The following DEPDC1B variants were observed in gnomAD, a reference collection of about 807,000 sequenced individuals.
DEPDC1B encodes the protein DEP domain containing 1B.
DEPDC1B carries 51 observed loss-of-function variants against 66.5 expected under a neutral mutation model. The observed-to-expected ratio is 0.77, with a 90% CI of 0.61 to 0.97. DEPDC1B has a LOEUF of 0.97. Ranked by LOEUF, DEPDC1B falls within the 50% of genes least tolerant of loss-of-function variation. DEPDC1B has a pLI of 0.00. For missense variants in DEPDC1B, 552 were observed against 637.1 expected (o/e 0.87, Z 1.44); for synonymous variants, 226 against 223.6 (o/e 1.01, Z -0.10).
Position 60,616,798 on chromosome 5 carries a change from T to C in DEPDC1B, c.899-10942A>G, listed in dbSNP as rs557478441. ...GGAAATACAGAGAACGCCACAAAGA[T>C]ACTCCTCAAGAAGAGCAACTCCAAG... On this transcript the variant is annotated intron_variant, in intron 7 of 10. Transcript: ENST00000265036. Among the ~76,000 whole-genome samples the C allele has an allele frequency of 7.9e-5, 12 of 152,246 alleles. No individual in the cohort carries two copies. In the East Asian group the frequency reaches 2.3e-3, roughly 29 times the overall value.
intron 10 of DEPDC1B, among the ~76,000 whole-genome samples, chr5:60,598,220 A>T (rs1455717627): frequency 6.6e-6 from 1 of 152,150 alleles, no homozygotes; most frequent in Non-Finnish European, 1.5e-5. Context: ...AGTTAAATAA[A>T]ATTTTGGCCC....
At chr5:60,665,822 C>A (rs1043004339) in intron 2 of DEPDC1B, among the ~76,000 whole-genome samples, 1 of 152,106 alleles carries the variant, frequency 6.6e-6, no homozygotes, top group Non-Finnish European at 1.5e-5. Context: ...CAACTAATCA[C>A]GTAGTAAAGA....
At chr5:60,647,316 G>A in intron 3 of DEPDC1B, 82 bp downstream of exon 3, 1 of 1,480,466 alleles carries the variant, frequency 6.8e-7, no homozygotes, top group African/African-American at 1.4e-5. Context: ...GTTCATAAAG[G>A]ACCACAGAAA....
intron 2 of DEPDC1B, among the ~76,000 whole-genome samples, chr5:60,674,055 G>T (rs1476436747): frequency 1.3e-5 from 2 of 152,076 alleles, no homozygotes; most frequent in East Asian, 3.9e-4. Context: ...GAATAAAGAG[G>T]TTAAGGACAC....
At chr5:60,598,536 T>C (rs893287141) in intron 10 of DEPDC1B, among the ~76,000 whole-genome samples, 2 of 152,154 alleles carry the variant, frequency 1.3e-5, no homozygotes, top group African/African-American at 4.8e-5. Flanking sequence ...CCTTTATGAA[T>C]AGTCAAAAGT....
intron 2 of DEPDC1B, among the ~76,000 whole-genome samples, chr5:60,664,684 T>C (rs1018927927): frequency 6.6e-6 from 1 of 152,200 alleles, no homozygotes; most frequent in East Asian, 1.9e-4. Context: ...AGGCGGAGTA[T>C]GCAGTGGTCA....
intron 7 of DEPDC1B, among the ~76,000 whole-genome samples, chr5:60,622,315 A>G (rs1752723138): frequency 6.6e-6 from 1 of 152,132 alleles, no homozygotes; most frequent in African/African-American, 2.4e-5. Context: ...TTTCATGTAA[A>G]TGGAACCAGA....
intron 2 of DEPDC1B, among the ~76,000 whole-genome samples, chr5:60,672,895 C>T (rs2111990033): frequency 6.6e-6 from 1 of 152,260 alleles, no homozygotes; most frequent in East Asian, 1.9e-4. Context: ...GACTGAGCGA[C>T]CTTAACTGGG....
intron 7 of DEPDC1B, among the ~76,000 whole-genome samples, chr5:60,637,052 A>G (rs1372398375): frequency 6.6e-6 from 1 of 152,252 alleles, no homozygotes; most frequent in African/African-American, 2.4e-5. Flanking sequence ...CTTTTACTAT[A>G]GAACATTATA....
chr5:60,677,922 T>C (rs1319747478), intron 2 of DEPDC1B, among the ~76,000 whole-genome samples: 7 of 152,058 alleles, frequency 4.6e-5, no homozygotes, highest in African/African-American at 4.8e-5. Context: ...AGGGAGGAAG[T>C]AGTCCATTAA....
intron 2 of DEPDC1B, among the ~76,000 whole-genome samples, chr5:60,660,727 G>T (rs1383513360): frequency 6.6e-6 from 1 of 152,148 alleles, no homozygotes; most frequent in Non-Finnish European, 1.5e-5. Flanking sequence ...TAAAGTATGG[G>T]GCTATTCTGT....
chr5:60,699,589 T>TC lies in DEPDC1B; in HGVS notation c.48+456dup, dbSNP rs199929117. Reference sequence around the variant, plus strand: ...TGCGGCCAGCGCGATGCCCCTCTGTTCTGGGCACCGTTTATTCGAATACCC... The same window carrying TC: ...TGCGGCCAGCGCGATGCCCCTCTGTTCCTGGGCACCGTTTATTCGAATACCC... On this transcript the variant is annotated intron_variant, in intron 1 of 10. Transcript: ENST00000265036. Among the ~76,000 whole-genome samples the TC allele has an allele frequency of 9.5e-4, 145 of 152,224 alleles. 3 individuals carry two copies. In the East Asian group the frequency reaches 0.024, roughly 26 times the overall value.
chr5:60,633,070 C>T (rs1167445359), intron 7 of DEPDC1B, among the ~76,000 whole-genome samples: 6 of 152,204 alleles, frequency 3.9e-5, no homozygotes, highest in Non-Finnish European at 5.9e-5. Context: ...ATCTGAACTT[C>T]ACAAAGGCCT....
chr5:60,651,799 C>A (rs1333100432), intron 2 of DEPDC1B, among the ~76,000 whole-genome samples: 3 of 152,126 alleles, frequency 2.0e-5, no homozygotes, highest in East Asian at 3.9e-4. Flanking sequence ...AATTTCAGTA[C>A]AACTGTCACC....
chr5:60,637,480 C>G (rs1172448227), intron 7 of DEPDC1B, among the ~76,000 whole-genome samples: 1 of 152,232 alleles, frequency 6.6e-6, no homozygotes, highest in East Asian at 1.9e-4. Context: ...TCTGCAGAAC[C>G]ATGAGCCAAT....
intron 7 of DEPDC1B, 27 bp from the exon 8 acceptor site, chr5:60,605,883 C>G: frequency 6.3e-7 from 1 of 1,584,534 alleles, no homozygotes; most frequent in Non-Finnish European, 8.6e-7. Flanking sequence ...AAAATGTTAT[C>G]TTTCAACACC....
At chr5:60,688,928 G>A (rs1754483952) in intron 1 of DEPDC1B, 1 of 422,882 alleles carries the variant, frequency 2.4e-6, no homozygotes, top group Non-Finnish European at 4.8e-6. Context: ...TAGGAACCTC[G>A]TTTTGTCAAA....
chr5:60,644,988 C>A, intron 4 of DEPDC1B, 113 bp from the exon 5 acceptor site: 1 of 755,450 alleles, frequency 1.3e-6, no homozygotes, highest in Non-Finnish European at 1.9e-6. Flanking sequence ...TGCATTGCAC[C>A]CAATCTTTGC....
intron 7 of DEPDC1B, among the ~76,000 whole-genome samples, chr5:60,616,127 C>A (rs1401052492): frequency 1.3e-5 from 2 of 152,150 alleles, no homozygotes; most frequent in African/African-American, 4.8e-5. Context: ...ACATCCACAC[C>A]AAAACCCCAT....
Sources: allele counts gnomAD v4.1 joint callset (sites outside exome capture counted in the v4.1 genomes callset), GRCh38; gene constraint gnomAD v4.1.1; transcripts MANE v1.5; gene names NCBI Gene and HGNC (gene_info 2026-07-23, HGNC 2026-07-21).